The following PPP1R12A variants were observed in gnomAD, a reference collection of about 807,000 sequenced individuals.
PPP1R12A encodes myosin binding subunit.
PPP1R12A carries 19 observed loss-of-function variants against 139.6 expected under a neutral mutation model. That is an observed-to-expected ratio of 0.14 (90% CI 0.09 to 0.20). The LOEUF (loss-of-function observed/expected upper bound fraction) is 0.20. PPP1R12A is among the 10% of genes least tolerant of loss of function. The pLI is 1.00. For missense variants in PPP1R12A, 925 were observed against 1,211.5 expected (o/e 0.76, Z 3.51); for synonymous variants, 427 against 420.6 (o/e 1.02, Z -0.19).
In PPP1R12A at chr12:79,775,347, A is replaced by G. The variant is rs546803425; in HGVS notation, c.*582T>C. 1.3e-5 allele frequency: 2 copies of G among 152,724 alleles called. No individual in the cohort carries two copies. Among genetic ancestry groups the G allele is most frequent in the Admixed American group, 6.5e-5 (1 of 15,292 alleles). 9.5% of individuals were successfully genotyped at this position (152,724 alleles called of 1,614,324 possible). On this transcript the variant is annotated 3_prime_UTR_variant, in exon 25 of 25. Coordinates refer to ENST00000450142, the MANE Select transcript of PPP1R12A (RefSeq NM_002480.3). ...CACAGCATTAGCCTAATACATGACA[A>G]TAATCACAGAAGAGCAAGTGTTCTT...
At chr12:79,923,406 C>T (rs146796452) in intron 1 of PPP1R12A, among the ~76,000 whole-genome samples, 1 of 152,290 alleles carries the variant, frequency 6.6e-6, no homozygotes, top group East Asian at 1.9e-4. Context: ...CATGCACACA[C>T]AATGGAATAC....
intron 10 of PPP1R12A, among the ~76,000 whole-genome samples, chr12:79,809,294 T>C (rs1193118610): frequency 6.6e-6 from 1 of 152,138 alleles, no homozygotes; most frequent in Non-Finnish European, 1.5e-5. Flanking sequence ...TTGAATAAAC[T>C]GTGGTACATC....
At chr12:79,916,028 G>A (rs1023488815) in intron 1 of PPP1R12A, among the ~76,000 whole-genome samples, 1 of 151,856 alleles carries the variant, frequency 6.6e-6, no homozygotes, top group Non-Finnish European at 1.5e-5. Flanking sequence ...AACATAACTT[G>A]TTTTCAGAAA....
intron 1 of PPP1R12A, among the ~76,000 whole-genome samples, chr12:79,906,025 A>C (rs970389356): frequency 6.6e-6 from 1 of 152,202 alleles, no homozygotes; most frequent in African/African-American, 2.4e-5. Flanking sequence ...TGCTCAGCTA[A>C]GGAAATCATC....
At chr12:79,931,003 T>C (rs1374276318) in intron 1 of PPP1R12A, among the ~76,000 whole-genome samples, 2 of 152,130 alleles carry the variant, frequency 1.3e-5, no homozygotes, top group Non-Finnish European at 1.5e-5. Context: ...AAGAGTAGAC[T>C]TGATGAAGAA....
chr12:79,892,700 G>GAA (rs1013497603), intron 1 of PPP1R12A, among the ~76,000 whole-genome samples: 5 of 152,164 alleles, frequency 3.3e-5, no homozygotes, highest in East Asian at 1.9e-4. Context: ...TCTGCCTCCT[G>GAA]AAACAACTGT....
At chr12:79,876,948 T>C (rs1176921820) in intron 1 of PPP1R12A, among the ~76,000 whole-genome samples, 6 of 151,740 alleles carry the variant, frequency 4.0e-5, no homozygotes, top group East Asian at 1.9e-4. Context: ...GAGGCAGAGG[T>C]TGCAATGAGC....
rs1353032967 is a variant in PPP1R12A at position 79,775,348 on chromosome 12, T to C, written c.*581A>G. On this transcript the variant is annotated 3_prime_UTR_variant, in exon 25 of 25. Coordinates refer to ENST00000450142, the MANE Select transcript of PPP1R12A (RefSeq NM_002480.3). ...ACAGCATTAGCCTAATACATGACAA[T>C]AATCACAGAAGAGCAAGTGTTCTTT... 6.6e-6 allele frequency: 1 copy of C among 152,474 alleles called. No homozygotes were observed. The highest frequency in any genetic ancestry group is 6.6e-5 in the Admixed American group (1 of 15,260). The allele number at this position is 152,474 out of a possible 1,614,324, so 9.4% of individuals were successfully genotyped here. A position where few individuals can be genotyped will look rare whatever the true frequency, so the allele number is the denominator to read the frequency against.
intron 2 of PPP1R12A, chr12:79,848,931 C>T (rs978800885): frequency 6.6e-6 from 1 of 151,856 alleles, no homozygotes; most frequent in Admixed American, 6.6e-5. Flanking sequence ...CCTGTTGACA[C>T]CTGTGTGACA....
chr12:79,837,635 T>G (rs1878240621), intron 3 of PPP1R12A, among the ~76,000 whole-genome samples: 1 of 152,228 alleles, frequency 6.6e-6, no homozygotes, highest in Non-Finnish European at 1.5e-5. Context: ...GGGAGGTAAC[T>G]AAATCATGGG....
chr12:79,846,632 G>A (rs568099994), intron 2 of PPP1R12A, among the ~76,000 whole-genome samples: 7 of 148,536 alleles, frequency 4.7e-5, no homozygotes, highest in African/African-American at 1.0e-4. Context: ...TAGTAGAGAC[G>A]AGGTTTCACC....
Position 79,796,946 on chromosome 12 carries a change from T to C in PPP1R12A, c.2297A>G (p.Tyr766Cys). The change falls in exon 17 of 25, where the codon TAC becomes TGC. Residue 766 changes from tyrosine to cysteine, a missense_variant. Coordinates refer to ENST00000450142, the MANE Select transcript of PPP1R12A (RefSeq NM_002480.3). ...AGTTGATACTGGCCTATAACGCTGG[T>C]AAGTCTGTGAAACATTAAGATCAAA... ...QKYSRTYDET[Y>C]QRYRPVSTSS... 6.2e-7 allele frequency: 1 copy of C among 1,603,946 alleles called. No individual in the cohort carries two copies. The highest frequency in any genetic ancestry group is 8.5e-7 in the Non-Finnish European group (1 of 1,176,770).
chr12:79,868,656 C>A (rs939811522), intron 2 of PPP1R12A, among the ~76,000 whole-genome samples: 1 of 152,030 alleles, frequency 6.6e-6, no homozygotes, highest in Non-Finnish European at 1.5e-5. Flanking sequence ...CAATGTCTTC[C>A]TCTTATAAGA....
intron 1 of PPP1R12A, among the ~76,000 whole-genome samples, chr12:79,883,851 T>C (rs916671794): frequency 2.0e-5 from 3 of 152,072 alleles, no homozygotes; most frequent in African/African-American, 2.4e-5. Context: ...CAGCTAGAAA[T>C]AGAAAGTTCA....
intron 1 of PPP1R12A, among the ~76,000 whole-genome samples, chr12:79,917,730 TAA>T (rs1887116970): frequency 6.6e-6 from 1 of 152,106 alleles, no homozygotes; most frequent in South Asian, 2.1e-4. Context: ...CTATTAGACA[TAA>T]AAAGTGTATA....
intron 1 of PPP1R12A, among the ~76,000 whole-genome samples, chr12:79,924,387 T>G (rs1887674124): frequency 6.6e-6 from 1 of 152,158 alleles, no homozygotes; most frequent in African/African-American, 2.4e-5. Context: ...AAACAATAGT[T>G]CTTAATGACA....
chr12:79,901,387 A>G (rs1454036140), intron 1 of PPP1R12A, among the ~76,000 whole-genome samples: 3 of 152,160 alleles, frequency 2.0e-5, no homozygotes, highest in Non-Finnish European at 4.4e-5. Flanking sequence ...GTTCTTGGTT[A>G]TTATAAATAA....
At chr12:79,846,764 A>C (rs1234688863) in intron 2 of PPP1R12A, among the ~76,000 whole-genome samples, 1 of 151,796 alleles carries the variant, frequency 6.6e-6, no homozygotes, top group Non-Finnish European at 1.5e-5. Context: ...AAATTTTTCG[A>C]TGGCTCTACC....
intron 1 of PPP1R12A, among the ~76,000 whole-genome samples, chr12:79,914,430 T>C (rs995524519): frequency 9.9e-5 from 15 of 152,104 alleles, no homozygotes; most frequent in African/African-American, 3.6e-4. Context: ...AGTGTGTCCT[T>C]GATTTTTAAT....
Sources: gnomAD v4.1 joint callset for allele counts (sites outside exome capture counted in the v4.1 genomes callset) on GRCh38, gnomAD v4.1.1 for gene constraint, MANE v1.5 for transcripts, NCBI Gene and HGNC (gene_info 2026-07-23, HGNC 2026-07-21) for gene names.